The following KIAA0319 variants were observed in gnomAD, a reference collection of about 807,000 sequenced individuals.
KIAA0319 encodes KIAA0319.
KIAA0319 carries 83 observed loss-of-function variants against 108.4 expected under a neutral mutation model. That is an observed-to-expected ratio of 0.77 (90% CI 0.64 to 0.92). KIAA0319 has a LOEUF of 0.92. Among genes scored for constraint, KIAA0319 ranks in the 40% least tolerant of loss-of-function variants. The pLI is 0.00. For synonymous variants in KIAA0319, 484 were observed against 510.4 expected, an observed-to-expected ratio of 0.95 and a Z score of 0.70; for missense variants, 1,195 against 1,322.4, an observed-to-expected ratio of 0.90 and a Z score of 1.49.
At chr6:24,607,280 C>T (rs560974173) in intron 1 of KIAA0319, among the ~76,000 whole-genome samples, 5 of 152,144 alleles carry the variant, frequency 3.3e-5, no homozygotes, top group South Asian at 2.1e-4. Context: ...CACTTGAATC[C>T]GGGAGGTGGA....
intron 3 of KIAA0319, among the ~76,000 whole-genome samples, chr6:24,595,274 C>T (rs993766791): frequency 2.0e-5 from 3 of 152,040 alleles, no homozygotes; most frequent in Admixed American, 1.3e-4. Context: ...TATCCAGGCG[C>T]GGTGGCTCAC....
chr6:24,551,771 T>C (rs1180782836), intron 19 of KIAA0319, among the ~76,000 whole-genome samples: 1 of 152,204 alleles, frequency 6.6e-6, no homozygotes, highest in Non-Finnish European at 1.5e-5. Context: ...AGGTCTCAGC[T>C]AAGCCTCAGG....
chr6:24,601,229 AGAG>A, intron 1 of KIAA0319, 21 bp from the exon 2 acceptor site: 1 of 1,529,778 alleles, frequency 6.5e-7, no homozygotes, highest in South Asian at 1.3e-5. Flanking sequence ...AAAACATAAA[AGAG>A]GAAGGAAGAA....
chr6:24,540,351 C>G (rs1760156785), downstream of KIAA0319, among the ~76,000 whole-genome samples: 2 of 152,144 alleles, frequency 1.3e-5, no homozygotes, highest in African/African-American at 4.8e-5. Context: ...ATGGCTACGA[C>G]ATCACTAGGT....
chr6:24,635,842 GTT>G (rs59683170), intron 1 of KIAA0319, among the ~76,000 whole-genome samples: 45,630 of 152,064 alleles, frequency 0.3, 7,206 homozygotes, highest in Non-Finnish European at 0.37. Flanking sequence ...ATAAATGGGT[GTT>G]TTAAGCAACT....
chr6:24,569,663 G>A (rs976843299), intron 12 of KIAA0319, among the ~76,000 whole-genome samples: 14 of 152,050 alleles, frequency 9.2e-5, no homozygotes, highest in Admixed American at 7.2e-4. Context: ...TCATGAGCTC[G>A]CCTCACACCA....
intron 10 of KIAA0319, among the ~76,000 whole-genome samples, chr6:24,575,984 A>T (rs1270647149): frequency 1.3e-5 from 2 of 152,248 alleles, no homozygotes; most frequent in Admixed American, 1.3e-4. Flanking sequence ...TAGACAAGAT[A>T]ACATGGAGTT....
Position 24,551,459 on chromosome 6 carries a change from T to A in KIAA0319, c.3015A>T (p.Glu1005Asp), listed in dbSNP as rs377548888. 1.9e-5 allele frequency: 31 copies of A among 1,612,058 alleles called. No homozygotes were observed. In the African/African-American group the frequency reaches 4.1e-4, roughly 22 times the overall value. The stretch of plus-strand genomic sequence containing the variant: ...CATATTTGGGCCTCAGTTCCATTCT[T>A]TCCTGTTCATCCATGTTATCCAGGA... ...YTILDNMDEQ[E>D]RMELRPKYGI... Residue 1005 changes from glutamate (E) to aspartate (D), a missense_variant, in exon 20 of 21, where the codon GAA (glutamate) becomes GAT (aspartate). Physicochemically the swap from Glu to Asp is conservative, Grantham distance 45. Coordinates refer to ENST00000378214, the MANE Select transcript of KIAA0319 (RefSeq NM_014809.4).
intron 1 of KIAA0319, among the ~76,000 whole-genome samples, chr6:24,623,851 T>C (rs976073157): frequency 3.9e-5 from 6 of 152,258 alleles, no homozygotes; most frequent in African/African-American, 1.4e-4. Flanking sequence ...GTTATCCAAA[T>C]TGATCATTAT....
intron 4 of KIAA0319, among the ~76,000 whole-genome samples, chr6:24,587,389 T>C (rs1340898520): frequency 6.6e-6 from 1 of 152,096 alleles, no homozygotes; most frequent in Non-Finnish European, 1.5e-5. Flanking sequence ...CATGCCATTC[T>C]CCTGCCTCAG....
chr6:24,572,042 G>A (rs887985825), intron 11 of KIAA0319, among the ~76,000 whole-genome samples: 1 of 152,210 alleles, frequency 6.6e-6, no homozygotes, highest in African/African-American at 2.4e-5. Context: ...GTTGTCTATA[G>A]GTTGAGTATA....
chr6:24,601,392 G>A (rs1266695043), intron 1 of KIAA0319, 184 bp from the exon 2 acceptor site: 1 of 839,882 alleles, frequency 1.2e-6, no homozygotes, highest in Non-Finnish European at 1.4e-6. Context: ...TTCCTAAGAA[G>A]AGCCAAAGAA....
chr6:24,596,988 C>T (rs1284098630), intron 2 of KIAA0319, among the ~76,000 whole-genome samples: 1 of 152,008 alleles, frequency 6.6e-6, no homozygotes, highest in East Asian at 1.9e-4. Context: ...CCCATCCATC[C>T]ATCCATCTTT....
At chr6:24,570,392 T>C (rs1243498850) in intron 11 of KIAA0319, among the ~76,000 whole-genome samples, 1 of 151,876 alleles carries the variant, frequency 6.6e-6, no homozygotes, top group Non-Finnish European at 1.5e-5. Flanking sequence ...ATCAAGACCA[T>C]CCTGGCTAAC....
At chr6:24,631,656 T>C (rs6903390) in intron 1 of KIAA0319, among the ~76,000 whole-genome samples, 110,209 of 152,150 alleles carry the variant, frequency 0.72, 40,823 homozygotes, top group East Asian at 0.87. Flanking sequence ...TTAAATATTC[T>C]CCCTAATTAT....
intron 13 of KIAA0319, among the ~76,000 whole-genome samples, chr6:24,568,219 C>T (rs150222075): frequency 6.6e-6 from 1 of 152,318 alleles, no homozygotes; most frequent in African/African-American, 2.4e-5. Context: ...CTCTGCACTT[C>T]AACACGTTGT....
chr6:24,578,073 G>C, intron 9 of KIAA0319, 37 bp downstream of exon 9: 1 of 1,562,964 alleles, frequency 6.4e-7, no homozygotes, highest in Non-Finnish European at 8.7e-7. Context: ...CAAAATGTAA[G>C]TAGCAGGCAG....
Position 24,556,631 on chromosome 6 carries a change from T to G in KIAA0319, c.2833A>C (p.Ile945Leu). The change falls in exon 18 of 21, where the codon ATC (isoleucine) becomes CTC (leucine). Residue 945 changes from isoleucine to leucine, a missense_variant. By Grantham distance (5) the Ile-to-Leu change is conservative (BLOSUM62 2). Transcript: ENST00000378214. Reference protein sequence around the residue: ...LWMENLIQRYIWDGESNCEWS... With the variant: ...LWMENLIQRYLWDGESNCEWS... Reference sequence around the variant, plus strand: ...CCACAGTTGCTCTCTCCATCCCAGATATAACGCTGTATAAGGTTCTCCATC... The same window carrying G: ...CCACAGTTGCTCTCTCCATCCCAGAGATAACGCTGTATAAGGTTCTCCATC... 3 of 1,614,002 alleles carry G rather than the reference T, an allele frequency of 1.9e-6. No homozygotes were observed. The highest frequency in any genetic ancestry group is 2.5e-6 in the Non-Finnish European group (3 of 1,179,942).
Position 24,564,388 on chromosome 6 carries a change from A to C in KIAA0319, c.2293-48T>G, listed in dbSNP as rs370022203. On this transcript the variant is annotated intron_variant, in intron 14 of 20. Coordinates refer to ENST00000378214, the MANE Select transcript of KIAA0319 (RefSeq NM_014809.4). ...GGGCAGCTGTCAATCCTCGGGTCCCAATTTCTGGGCTTCTGTTGATCCTAA... is the reference window on the plus strand; with the variant it reads ...GGGCAGCTGTCAATCCTCGGGTCCCCATTTCTGGGCTTCTGTTGATCCTAA... 44 of 1,610,232 alleles carry C rather than the reference A, an allele frequency of 2.7e-5. No individual in the cohort carries two copies. The African/African-American group carries it at 5.3e-4, about 20-fold the overall frequency.
Sources: gnomAD v4.1 joint callset for allele counts (sites outside exome capture counted in the v4.1 genomes callset) on GRCh38, gnomAD v4.1.1 for gene constraint, MANE v1.5 for transcripts, NCBI Gene and HGNC (gene_info 2026-07-23, HGNC 2026-07-21) for gene names.